Variants in SSBP3 observed in about 807,000 individuals in gnomAD.
The protein encoded by SSBP3 is single-stranded DNA-binding protein 3.
A neutral mutation model predicts 69.6 loss-of-function variants in SSBP3; 5 were observed. That is an observed-to-expected ratio of 0.07 (90% CI 0.04 to 0.15). The LOEUF is 0.15. Among genes scored for constraint, SSBP3 ranks in the 10% least tolerant of loss-of-function variants. SSBP3 has a pLI of 1.00. For synonymous variants in SSBP3, 196 were observed against 193.4 expected (o/e 1.01, Z -0.11); for missense variants, 312 against 534.0 (o/e 0.58, Z 4.10).
chr1:54,329,326 A>C (rs1557536677), intron 4 of SSBP3, among the ~76,000 whole-genome samples: 1 of 152,264 alleles, frequency 6.6e-6, no homozygotes, highest in African/African-American at 2.4e-5. Flanking sequence ...AATATGCTGC[A>C]AAAAGCTGAA....
At chr1:54,298,929 A>AC (rs1645749725) in intron 4 of SSBP3, among the ~76,000 whole-genome samples, 1 of 142,130 alleles carries the variant, frequency 7.0e-6, no homozygotes, top group Non-Finnish European at 1.5e-5. Context: ...AACAAAAACA[A>AC]AACACACACA....
chr1:54,239,066 T>C (rs1338911490), intron 14 of SSBP3, 63 bp downstream of exon 14: 1 of 1,382,930 alleles, frequency 7.2e-7, no homozygotes, highest in Non-Finnish European at 1.0e-6. Flanking sequence ...TCCCCTCAGC[T>C]GATGAAGTTA....
At chr1:54,307,191 GC>G (rs938442913) in intron 4 of SSBP3, among the ~76,000 whole-genome samples, 3 of 152,016 alleles carry the variant, frequency 2.0e-5, no homozygotes, top group Non-Finnish European at 4.4e-5. Flanking sequence ...GGAACCAGCT[GC>G]CCCCAGTTAT....
intron 4 of SSBP3, among the ~76,000 whole-genome samples, chr1:54,311,925 C>T (rs1185732705): frequency 6.6e-6 from 1 of 152,178 alleles, no homozygotes; most frequent in African/African-American, 2.4e-5. Flanking sequence ...AGCGCACTCA[C>T]AGCTGGGGAG....
chr1:54,281,173 G>A (rs1006324719), intron 5 of SSBP3, among the ~76,000 whole-genome samples: 6 of 152,164 alleles, frequency 3.9e-5, no homozygotes, highest in Admixed American at 1.3e-4. Context: ...ACTGTGTCGC[G>A]CCTACGAAGC....
rs568756282 is a variant in SSBP3 at position 54,267,995 on chromosome 1, C to T, written c.367-9846G>A. Reference sequence around the variant, plus strand: ...AATCCTCCCACCTCAGCCTCCCAAGCGGGTGGGACTACAGGCATGGGCCAC... The same window carrying T: ...AATCCTCCCACCTCAGCCTCCCAAGTGGGTGGGACTACAGGCATGGGCCAC... On this transcript the variant is annotated intron_variant, in intron 5 of 17. Coordinates refer to ENST00000610401, the Ensembl canonical transcript of SSBP3. 4.6e-3 allele frequency among the ~76,000 whole-genome samples: 703 copies of T among 152,326 alleles called. 3 individuals are homozygous for T. The highest frequency in any genetic ancestry group is 6.7e-3 in the Non-Finnish European group (458 of 68,022).
chr1:54,281,611 T>C (rs1456186042), intron 4 of SSBP3, 84 bp from the exon 5 acceptor site: 1 of 1,272,188 alleles, frequency 7.9e-7, no homozygotes, highest in Non-Finnish European at 1.1e-6. Context: ...TGGCTCTCCC[T>C]GTCCGTCCAC....
At chr1:54,385,338 C>T (rs575755128) in intron 4 of SSBP3, among the ~76,000 whole-genome samples, 12 of 152,280 alleles carry the variant, frequency 7.9e-5, no homozygotes, top group African/African-American at 2.6e-4. Flanking sequence ...CTGCTCCCCA[C>T]CAAAAACAGA....
chr1:54,342,605 A>T (rs1362121606), intron 4 of SSBP3, among the ~76,000 whole-genome samples: 1 of 152,084 alleles, frequency 6.6e-6, no homozygotes, highest in African/African-American at 2.4e-5. Flanking sequence ...AAAGGGACAG[A>T]CTGGGGGAAG....
intron 4 of SSBP3, among the ~76,000 whole-genome samples, chr1:54,334,278 G>A (rs1052917695): frequency 2.0e-5 from 3 of 151,960 alleles, no homozygotes; most frequent in Admixed American, 6.6e-5. Flanking sequence ...CTTGAACCCG[G>A]GAGGCGGAGG....
intron 4 of SSBP3, among the ~76,000 whole-genome samples, chr1:54,396,193 G>GGAAAAAAAAAAAAAA (rs1168912041): frequency 9.9e-5 from 4 of 40,564 alleles, no homozygotes; most frequent in East Asian, 1.7e-3. Flanking sequence ...CTCCATCTCA[G>GGAAAAAAAAAAAAAA]AAAAAAAAAA....
chr1:54,285,340 C>G (rs565811442), intron 4 of SSBP3: 14 of 152,236 alleles, frequency 9.2e-5, no homozygotes, highest in South Asian at 2.1e-4. Context: ...TACCCTCCCC[C>G]CAACCACATC....
chr1:54,403,619 T>C (rs918461410), intron 3 of SSBP3, among the ~76,000 whole-genome samples: 1 of 152,226 alleles, frequency 6.6e-6, no homozygotes, highest in Non-Finnish European at 1.5e-5. Context: ...ATCCTCCTGC[T>C]GTTCTAAGAG....
chr1:54,396,606 C>T lies in SSBP3; in HGVS notation c.276+5255G>A, dbSNP rs534999697. On this transcript the variant is annotated intron_variant, in intron 4 of 17. Transcript: ENST00000610401. Reference sequence around the variant, plus strand: ...CCCTGCCTCCCTCACAAAATAGAGACGACCTAAGGAACTGTGGGGAGAGCT... The same window carrying T: ...CCCTGCCTCCCTCACAAAATAGAGATGACCTAAGGAACTGTGGGGAGAGCT... Among the ~76,000 whole-genome samples, 14 of 152,264 alleles carry T rather than the reference C, an allele frequency of 9.2e-5. No homozygotes were observed. The South Asian group carries it at 1.2e-3, about 14-fold the overall frequency.
intron 4 of SSBP3, among the ~76,000 whole-genome samples, chr1:54,381,556 T>G (rs1014642861): frequency 1.3e-5 from 2 of 152,230 alleles, no homozygotes; most frequent in African/African-American, 2.4e-5. Flanking sequence ...CAGTTTGTGC[T>G]CTCACCAAGG....
intron 5 of SSBP3, among the ~76,000 whole-genome samples, chr1:54,277,017 T>G (rs951479321): frequency 2.0e-5 from 3 of 152,164 alleles, no homozygotes; most frequent in Non-Finnish European, 2.9e-5. Flanking sequence ...GCTGCTCCTG[T>G]GGGCAGACTA....
At chr1:54,312,493 CAGA>C (rs1468940851) in intron 4 of SSBP3, among the ~76,000 whole-genome samples, 3 of 151,688 alleles carry the variant, frequency 2.0e-5, no homozygotes, top group Admixed American at 6.6e-5. Flanking sequence ...GAGGCTGAGG[CAGA>C]AGAACTGCTT....
At chr1:54,288,704 T>A (rs1354562253) in intron 4 of SSBP3, among the ~76,000 whole-genome samples, 1 of 152,068 alleles carries the variant, frequency 6.6e-6, no homozygotes, top group Non-Finnish European at 1.5e-5. Context: ...GGCAGCTAAG[T>A]GGCTCTAACA....
intron 4 of SSBP3, among the ~76,000 whole-genome samples, chr1:54,340,145 A>G (rs1646581266): frequency 6.6e-6 from 1 of 152,170 alleles, no homozygotes; most frequent in African/African-American, 2.4e-5. Flanking sequence ...GACTTGGCAT[A>G]AAACTTTGGT....
Sources: allele counts gnomAD v4.1 joint callset (sites outside exome capture counted in the v4.1 genomes callset), GRCh38; gene constraint gnomAD v4.1.1; transcripts MANE v1.5; gene names NCBI Gene and HGNC (gene_info 2026-07-23, HGNC 2026-07-21).